Variants in PYY observed in about 807,000 individuals in gnomAD.
PYY encodes peptide tyrosine tyrosine.
PYY carries 12 observed loss-of-function variants against 10.3 expected under a neutral mutation model. The observed-to-expected ratio is 1.17, with a 90% confidence interval of 0.75 to 1.89. PYY has a LOEUF of 1.89. Ranked by LOEUF, PYY falls within the 40% of genes most tolerant of loss-of-function variation. PYY has a pLI of 0.00. For missense variants in PYY, 141 were observed against 134.0 expected, an observed-to-expected ratio of 1.05 and a Z score of -0.26; for synonymous variants, 66 against 62.0, an observed-to-expected ratio of 1.06 and a Z score of -0.30.
upstream of PYY, chr17:43,957,949 G>A (rs2048685322): frequency 6.5e-6 from 1 of 154,590 alleles, no homozygotes; most frequent in South Asian, 2.0e-4. Context: ...TGAAGCTTCT[G>A]CAAAACACAG....
At chr17:43,960,324 C>A (rs1307601983) in intron 2 of PYY, among the ~76,000 whole-genome samples, 3 of 151,828 alleles carry the variant, frequency 2.0e-5, no homozygotes, top group African/African-American at 7.3e-5. Flanking sequence ...GGGTGGGTCA[C>A]CTGAGATCAG....
chr17:43,991,074 C>T (rs1212017614), intron 1 of PYY, among the ~76,000 whole-genome samples: 1 of 151,876 alleles, frequency 6.6e-6, no homozygotes, highest in Non-Finnish European at 1.5e-5. Context: ...TGAGCCACCG[C>T]GCCCGGCCTA....
At chr17:43,995,297 C>T (rs924197127) in intron 1 of PYY, among the ~76,000 whole-genome samples, 1 of 152,248 alleles carries the variant, frequency 6.6e-6, no homozygotes, top group South Asian at 2.1e-4. Flanking sequence ...TTAAGTAGAA[C>T]CCTATGAAAT....
intron 1 of PYY, among the ~76,000 whole-genome samples, chr17:43,991,100 C>A (rs1395332943): frequency 6.6e-6 from 1 of 151,526 alleles, no homozygotes; most frequent in South Asian, 2.1e-4. Context: ...TAATGTTATG[C>A]GGGAAAGACA....
Position 43,992,236 on chromosome 17 carries a change from C to CA in PYY, c.-463+12154dup, listed in dbSNP as rs534030281. ...GTTTTATGCACAAAAGTGCTCATTACAGCATCATTTATAACCATATATAAA... is the reference window on the plus strand; with the variant it reads ...GTTTTATGCACAAAAGTGCTCATTACAAGCATCATTTATAACCATATATAAA... On this transcript the variant is annotated intron_variant, in intron 1 of 6. Coordinates refer to the PYY transcript ENST00000360085. Among the ~76,000 whole-genome samples, 8 of 151,598 alleles carry CA rather than the reference C, an allele frequency of 5.3e-5. 1 individual carries two copies. The South Asian group carries it at 1.7e-3, about 32-fold the overall frequency.
intron 1 of PYY, among the ~76,000 whole-genome samples, chr17:43,973,805 T>C (rs759046666): frequency 3.3e-5 from 5 of 152,034 alleles, no homozygotes; most frequent in Non-Finnish European, 5.9e-5. Flanking sequence ...AAAAAATAAA[T>C]AAATAAGTAT....
intron 1 of PYY, among the ~76,000 whole-genome samples, chr17:43,969,898 G>T (rs58623149): frequency 6.6e-6 from 1 of 151,528 alleles, no homozygotes; most frequent in Non-Finnish European, 1.5e-5. Flanking sequence ...GCCCGCCACC[G>T]CACCCGGCTA....
chr17:43,964,351 A>G lies in PYY; in HGVS notation c.-218+1937T>C, dbSNP rs188972843. Among the ~76,000 whole-genome samples the G allele has an allele frequency of 7.2e-5, 11 of 152,360 alleles. No homozygotes were observed. The East Asian group carries it at 1.9e-3, about 27-fold the overall frequency. On this transcript the variant is annotated intron_variant, in intron 2 of 6. Coordinates refer to the PYY transcript ENST00000360085. ...CAAGATCTCAGGGAATATTATGCCC[A>G]TAAGCTTTTCCTGAGGAATCTACTA...
At chr17:43,975,658 G>T (rs1196835926) in intron 1 of PYY, among the ~76,000 whole-genome samples, 1 of 150,350 alleles carries the variant, frequency 6.7e-6, no homozygotes, top group Middle Eastern at 3.2e-3. Context: ...AGTCAAGGCT[G>T]CAGTGAGCCG....
chr17:43,996,212 A>G (rs1430873445), intron 1 of PYY, among the ~76,000 whole-genome samples: 3 of 152,132 alleles, frequency 2.0e-5, no homozygotes, highest in East Asian at 1.9e-4. Flanking sequence ...AAGCAGCCCA[A>G]CTGCCCTGAA....
chr17:44,002,197 C>T (rs1859223), intron 1 of PYY, among the ~76,000 whole-genome samples: 1 of 151,996 alleles, frequency 6.6e-6, no homozygotes, highest in African/African-American at 2.4e-5. Context: ...GAGTCTCCCC[C>T]CCGGGACAGT....
At chr17:43,972,427 G>C (rs2048800907) in intron 1 of PYY, among the ~76,000 whole-genome samples, 1 of 151,990 alleles carries the variant, frequency 6.6e-6, no homozygotes, top group Non-Finnish European at 1.5e-5. Flanking sequence ...GTTGGGCCAG[G>C]CTGGTCTCAA....
Position 43,999,475 on chromosome 17 carries a change from C to G in PYY, c.-463+4916G>C, listed in dbSNP as rs113262181. On this transcript the variant is annotated intron_variant, in intron 1 of 6. Transcript: ENST00000360085. ...AGTTTTGTTAGAGGCCGGGCACGGT[C>G]GCTCACGCCTGTAATCCCAGCACTT... Among the ~76,000 whole-genome samples, 83 of 151,976 alleles carry G rather than the reference C, an allele frequency of 5.5e-4. 1 individual carries two copies. The highest frequency in any genetic ancestry group is 5.8e-4 in the African/African-American group (24 of 41,446).
chr17:43,969,450 AG>A (rs2048774960), intron 1 of PYY, among the ~76,000 whole-genome samples: 1 of 137,938 alleles, frequency 7.2e-6, no homozygotes, highest in South Asian at 2.5e-4. Context: ...CCAGGAGCAG[AG>A]GTTGCAGTAA....
chr17:43,986,923 GA>G (rs1567935502), intron 1 of PYY, among the ~76,000 whole-genome samples: 8 of 152,190 alleles, frequency 5.3e-5, no homozygotes, highest in African/African-American at 1.9e-4. Flanking sequence ...GCAATCCTAT[GA>G]GGTTCACATT....
At chr17:43,975,427 G>C (rs2048821866) in intron 1 of PYY, among the ~76,000 whole-genome samples, 1 of 152,016 alleles carries the variant, frequency 6.6e-6, no homozygotes, top group South Asian at 2.1e-4. Context: ...CAGTGGGTAG[G>C]CTGAGCACAG....
chr17:43,996,002 G>GA (rs1017542574), intron 1 of PYY, among the ~76,000 whole-genome samples: 7 of 151,840 alleles, frequency 4.6e-5, no homozygotes, highest in Admixed American at 3.9e-4. Context: ...AAAAAAGAAA[G>GA]AAAAAAATTA....
intron 1 of PYY, among the ~76,000 whole-genome samples, chr17:43,984,768 G>C (rs1039201882): frequency 2.6e-5 from 4 of 152,182 alleles, no homozygotes; most frequent in African/African-American, 9.7e-5. Flanking sequence ...ATGCATCTGG[G>C]TGTCAGGCAC....
At chr17:43,955,111 A>C (rs1198670000), upstream of PYY, among the ~76,000 whole-genome samples, 3 of 152,194 alleles carry the variant, frequency 2.0e-5, no homozygotes, top group Non-Finnish European at 4.4e-5. Context: ...AGGGACCCGA[A>C]GACTAAGTCT....
Sources: gnomAD v4.1 joint callset for allele counts (sites outside exome capture counted in the v4.1 genomes callset) on GRCh38, gnomAD v4.1.1 for gene constraint, MANE v1.5 for transcripts, NCBI Gene and HGNC (gene_info 2026-07-23, HGNC 2026-07-21) for gene names.